FOXK2: variants seen among roughly 807,000 people sequenced by gnomAD.
FOXK2 encodes forkhead box protein K2.
In FOXK2, 24 loss-of-function variants were observed where a neutral mutation model predicts 53.3. The observed-to-expected ratio is 0.45, with a 90% CI of 0.33 to 0.63. FOXK2 has a LOEUF of 0.63. Ranked by LOEUF, FOXK2 falls within the 30% of genes least tolerant of loss-of-function variation. FOXK2 has a pLI of 0.03. For synonymous variants in FOXK2, 505 were observed against 407.1 expected (o/e 1.24, Z -2.89); for missense variants, 952 against 910.5 (o/e 1.05, Z -0.59).
At position 82,571,795 on chromosome 17, in the gene FOXK2, G is replaced by C; in HGVS notation, c.834G>C (p.Gln278His). Residue 278 changes from glutamine to histidine, a missense_variant, in exon 4 of 9, where the codon CAG becomes CAC. Around this residue, in one of 5 missense-constraint regions of FOXK2, gnomAD observed 160 missense variants for 214.2 expected, o/e 0.75. Coordinates refer to ENST00000335255, the MANE Select transcript of FOXK2 (RefSeq NM_004514.4). ...VQAITMAPDKQLTLNGIYTHI... is the reference protein window; with the variant it reads ...VQAITMAPDKHLTLNGIYTHI... ...CGATTACGATGGCTCCCGACAAACA[G>C]CTCACCCTGAACGGGATTTATACAC... 1 of 1,603,976 alleles carries C rather than the reference G, an allele frequency of 6.2e-7. No individual in the cohort carries two copies. Among genetic ancestry groups the C allele is most frequent in the East Asian group, 2.3e-5 (1 of 43,480 alleles).
rs539383492 is a variant in FOXK2 at position 82,520,008 on chromosome 17, G to T, written c.120G>T (p.Leu40=). Residue 40 remains leucine, a synonymous_variant, in exon 1 of 9, where the codon CTG becomes CTT. Coordinates refer to ENST00000335255, the MANE Select transcript of FOXK2 (RefSeq NM_004514.4). ...SPPGGWAVAR[L]EGREFEYLMK... is the part of the protein sequence containing the mutation. ...CGGGCGGCTGGGCCGTGGCGCGCCT[G>T]GAGGGCCGCGAGTTCGAGTATCTGA... The T allele has an allele frequency of 2.0e-6, 3 of 1,465,670 alleles. No individual in the cohort carries two copies. The highest frequency in any genetic ancestry group is 2.8e-5 in the East Asian group (1 of 35,122). The allele number at this position is 1,465,670 out of a possible 1,614,324, so 90.8% of individuals were successfully genotyped here.
intron 8 of FOXK2, among the ~76,000 whole-genome samples, chr17:82,597,649 TTTTC>T (rs1228487530): frequency 5.9e-5 from 9 of 152,062 alleles, no homozygotes; most frequent in Middle Eastern, 3.4e-3. Context: ...TCACCATTTC[TTTTC>T]TTTCTTTTTT....
intron 1 of FOXK2, among the ~76,000 whole-genome samples, chr17:82,541,132 G>C (rs1226728140): frequency 6.6e-6 from 1 of 152,154 alleles, no homozygotes; most frequent in Non-Finnish European, 1.5e-5. Flanking sequence ...TCACCTTTTA[G>C]CATAGGTGTC....
At position 82,587,313 on chromosome 17, in the gene FOXK2, C is replaced by T. The variant is rs1259504927; in HGVS notation, c.1786+41C>T. The T allele has an allele frequency of 4.0e-6, 6 of 1,493,404 alleles. No individual in the cohort carries two copies. The East Asian group carries it at 1.1e-4, about 28-fold the overall frequency. The allele number at this position is 1,493,404 out of a possible 1,614,324, so 92.5% of individuals were successfully genotyped here. On this transcript the variant is annotated intron_variant, in intron 8 of 8. Transcript: ENST00000335255. ...CGGTGGCTCCCCGTGGCTGTGGGTA[C>T]TGGGAGCAGAGCCCCTTCTCACTCG...
chr17:82,599,704 C>G (rs1370698899), intron 8 of FOXK2: 1 of 152,300 alleles, frequency 6.6e-6, no homozygotes, highest in Admixed American at 6.5e-5. Flanking sequence ...ACGCACCTGG[C>G]CGGACTCACA....
intron 8 of FOXK2, chr17:82,600,289 G>A (rs2045368895): frequency 6.6e-6 from 1 of 152,304 alleles, no homozygotes; most frequent in African/African-American, 2.4e-5. Context: ...GCGGCGGCCT[G>A]GAGACAGATT....
At chr17:82,525,896 C>T (rs576389594) in intron 1 of FOXK2, among the ~76,000 whole-genome samples, 302 of 152,276 alleles carry the variant, frequency 2.0e-3, no homozygotes, top group Non-Finnish European at 3.4e-3. Flanking sequence ...CCCACACTTT[C>T]TTTCTTACGT....
intron 4 of FOXK2, chr17:82,577,006 A>G (rs942166689): frequency 1.2e-5 from 5 of 402,370 alleles, no homozygotes; most frequent in Admixed American, 1.2e-4. Flanking sequence ...CTAAAAATAC[A>G]ATATTATTAG....
chr17:82,520,518 A>G (rs2044350420), intron 1 of FOXK2, among the ~76,000 whole-genome samples: 1 of 146,862 alleles, frequency 6.8e-6, no homozygotes. Flanking sequence ...CCTTCCTGGC[A>G]GGTGCAGCCC....
At chr17:82,551,769 G>T (rs1412585924) in intron 1 of FOXK2, among the ~76,000 whole-genome samples, 2 of 152,208 alleles carry the variant, frequency 1.3e-5, no homozygotes, top group African/African-American at 4.8e-5. Context: ...GGGCTATTTA[G>T]GGTTTCTAAT....
At chr17:82,581,421 T>C (rs1368047029) in intron 4 of FOXK2, among the ~76,000 whole-genome samples, 4 of 151,406 alleles carry the variant, frequency 2.6e-5, no homozygotes, top group African/African-American at 9.7e-5. Context: ...AGCTTCAGCA[T>C]CCTTAGTAGC....
chr17:82,556,808 A>G (rs1424153586), intron 1 of FOXK2, among the ~76,000 whole-genome samples: 1 of 151,040 alleles, frequency 6.6e-6, no homozygotes, highest in Non-Finnish European at 1.5e-5. Flanking sequence ...GCGATTCTTC[A>G]GCCTCAGCCT....
chr17:82,542,534 G>A (rs1266153217), intron 1 of FOXK2, among the ~76,000 whole-genome samples: 2 of 151,902 alleles, frequency 1.3e-5, no homozygotes, highest in African/African-American at 4.8e-5. Context: ...GGTGTAGTTA[G>A]TACTCCTGGG....
intron 4 of FOXK2, among the ~76,000 whole-genome samples, chr17:82,581,891 G>T (rs1269125630): frequency 6.6e-6 from 1 of 152,124 alleles, no homozygotes; most frequent in Non-Finnish European, 1.5e-5. Flanking sequence ...AAAGAATGAT[G>T]CACTGATGAG....
At chr17:82,539,405 G>C (rs2044553072) in intron 1 of FOXK2, among the ~76,000 whole-genome samples, 1 of 152,110 alleles carries the variant, frequency 6.6e-6, no homozygotes, top group Non-Finnish European at 1.5e-5. Context: ...TCAACACTTT[G>C]GGAAGCTGAT....
intron 1 of FOXK2, among the ~76,000 whole-genome samples, chr17:82,546,610 CAG>C (rs909767573): frequency 2.6e-4 from 39 of 151,998 alleles, no homozygotes; most frequent in African/African-American, 9.2e-4. Context: ...CAGTGTCAAA[CAG>C]AGGTAACACC....
intron 1 of FOXK2, among the ~76,000 whole-genome samples, chr17:82,542,506 C>T (rs1343740880): frequency 6.6e-6 from 1 of 151,964 alleles, no homozygotes; most frequent in Non-Finnish European, 1.5e-5. Context: ...GACAGGGTGT[C>T]ACTGTCCTGC....
In FOXK2 at chr17:82,542,814, C is replaced by T. The variant is rs557601509; in HGVS notation, c.420-20540C>T. On this transcript the variant is annotated intron_variant, in intron 1 of 8. Transcript: ENST00000335255. ...GGAGGATCAGTTGAGGACAGGAGTTCGAGACCAGTCTAAGGAACATAGTAG... is the reference window on the plus strand; with the variant it reads ...GGAGGATCAGTTGAGGACAGGAGTTTGAGACCAGTCTAAGGAACATAGTAG... Among the ~76,000 whole-genome samples, 11 of 152,098 alleles carry T rather than the reference C, an allele frequency of 7.2e-5. No individual in the cohort carries two copies. The East Asian group carries it at 7.7e-4, about 11-fold the overall frequency.
At chr17:82,525,450 A>T (rs1053691175) in intron 1 of FOXK2, among the ~76,000 whole-genome samples, 1 of 152,104 alleles carries the variant, frequency 6.6e-6, no homozygotes. Flanking sequence ...AAGTGCTGGG[A>T]TTACAGGCGT....
Sources: allele counts gnomAD v4.1 joint callset (sites outside exome capture counted in the v4.1 genomes callset), GRCh38; gene constraint gnomAD v4.1.1; regional missense constraint gnomAD v4.1.1; transcripts MANE v1.5; gene names NCBI Gene and HGNC (gene_info 2026-07-23, HGNC 2026-07-21).